The following IL1RAPL1 variants were observed in gnomAD, a reference collection of about 807,000 sequenced individuals.
The protein encoded by IL1RAPL1 is interleukin 1 receptor accessory protein like 1, also known as interleukin-1 receptor accessory protein-like 1.
Under a neutral mutation model 48.4 loss-of-function variants are expected in IL1RAPL1, and 3 were observed. That is an observed-to-expected ratio of 0.06 (90% CI 0.03 to 0.16). The LOEUF (loss-of-function observed/expected upper bound fraction) is 0.16, where lower values mean the gene tolerates loss of function less well. Ranked by LOEUF, IL1RAPL1 falls within the 10% of genes least tolerant of loss-of-function variation. IL1RAPL1 has a pLI of 1.00. For synonymous variants in IL1RAPL1, 185 were observed against 187.7 expected, an observed-to-expected ratio of 0.99 and a Z score of 0.12; for missense variants, 349 against 530.6, an observed-to-expected ratio of 0.66 and a Z score of 3.36.
chrX:29,350,941 C>T (rs369259117), intron 3 of IL1RAPL1, among the ~76,000 whole-genome samples: 5 of 111,126 alleles, frequency 4.5e-5, no homozygotes, highest in East Asian at 2.8e-4. Context: ...CACCTAAAGT[C>T]GCAGTTTCCA....
chrX:29,333,299 C>A (rs1705127432), intron 3 of IL1RAPL1, among the ~76,000 whole-genome samples: 2 of 109,010 alleles, frequency 1.8e-5, no homozygotes, highest in Admixed American at 1.9e-4. Context: ...CACCATCCTC[C>A]CGGACGGGGC....
At chrX:29,447,316 C>T (rs146638150) in intron 5 of IL1RAPL1, among the ~76,000 whole-genome samples, 2,072 of 108,464 alleles carry the variant, frequency 0.019, 29 homozygotes, top group Non-Finnish European at 0.029. Flanking sequence ...TAATTATATG[C>T]GCCTCATATT....
At chrX:29,525,157 G>A (rs1935540601) in intron 5 of IL1RAPL1, among the ~76,000 whole-genome samples, 1 of 111,922 alleles carries the variant, frequency 8.9e-6, no homozygotes, top group Admixed American at 9.5e-5. Flanking sequence ...TGCTTTCACA[G>A]GCCAGTTTAT....
chrX:29,525,701 G>A (rs772311119), intron 5 of IL1RAPL1, among the ~76,000 whole-genome samples: 6 of 111,999 alleles, frequency 5.4e-5, no homozygotes, highest in Admixed American at 3.8e-4. Flanking sequence ...TTGGTGATGT[G>A]GAATATTAAC....
intron 2 of IL1RAPL1, among the ~76,000 whole-genome samples, chrX:29,253,219 T>C (rs1247774079): frequency 1.8e-5 from 2 of 110,767 alleles, no homozygotes; most frequent in African/African-American, 6.5e-5. Flanking sequence ...ATATCCCTTA[T>C]AATGAAAATC....
chrX:29,750,901 A>G (rs1326423229), intron 6 of IL1RAPL1, among the ~76,000 whole-genome samples: 1 of 111,306 alleles, frequency 9.0e-6, no homozygotes, highest in African/African-American at 3.3e-5. Flanking sequence ...AGAAAAGCTG[A>G]TCCAGAGTAG....
chrX:29,885,590 C>A (rs1026140701), intron 6 of IL1RAPL1, among the ~76,000 whole-genome samples: 1 of 111,697 alleles, frequency 9.0e-6, no homozygotes, highest in Admixed American at 9.5e-5. Flanking sequence ...GCAGGAGAAT[C>A]TCTTGAGGCC....
intron 2 of IL1RAPL1, among the ~76,000 whole-genome samples, chrX:28,841,481 A>T (rs1303350169): frequency 9.0e-6 from 1 of 111,243 alleles, no homozygotes; most frequent in Non-Finnish European, 1.9e-5. Flanking sequence ...AACATTACAG[A>T]ACATTACTAA....
intron 1 of IL1RAPL1, among the ~76,000 whole-genome samples, chrX:28,638,238 G>A (rs1466175110): frequency 9.0e-6 from 1 of 111,501 alleles, no homozygotes; most frequent in Non-Finnish European, 1.9e-5. Flanking sequence ...GCCTAGTCCA[G>A]AATTAAGGAC....
intron 3 of IL1RAPL1, among the ~76,000 whole-genome samples, chrX:29,342,927 C>T (rs1353854811): frequency 1.8e-5 from 2 of 111,543 alleles, no homozygotes; most frequent in Non-Finnish European, 3.8e-5. Flanking sequence ...ATGTTAACAG[C>T]GAATGAAGCC....
intron 2 of IL1RAPL1, among the ~76,000 whole-genome samples, chrX:29,093,408 G>T (rs1486639580): frequency 9.0e-6 from 1 of 111,068 alleles, no homozygotes; most frequent in Non-Finnish European, 1.9e-5. Flanking sequence ...CACTAGAACA[G>T]CATCAAAGGG....
intron 2 of IL1RAPL1, among the ~76,000 whole-genome samples, chrX:29,258,214 A>G (rs1428576575): frequency 9.0e-6 from 1 of 111,634 alleles, no homozygotes; most frequent in African/African-American, 3.3e-5. Flanking sequence ...GTCGCTTTAA[A>G]AAAAAATGCA....
intron 3 of IL1RAPL1, among the ~76,000 whole-genome samples, chrX:29,385,152 T>C (rs1933758348): frequency 8.9e-6 from 1 of 111,970 alleles, no homozygotes; most frequent in Admixed American, 9.5e-5. Context: ...TTTTCCATCA[T>C]CCAAAATAGA....
chrX:29,441,246 T>C (rs1297755394), intron 5 of IL1RAPL1, among the ~76,000 whole-genome samples: 1 of 111,482 alleles, frequency 9.0e-6, no homozygotes, highest in Non-Finnish European at 1.9e-5. Context: ...TCCCCTTCCC[T>C]CTAAGTAACC....
chrX:29,538,196 TA>T (rs894571682), intron 5 of IL1RAPL1, among the ~76,000 whole-genome samples: 21 of 106,908 alleles, frequency 2.0e-4, no homozygotes, highest in South Asian at 8.1e-4. Context: ...AATAAACCAT[TA>T]AAAAAAAAGC....
At chrX:29,323,713 TTATATATATATATATATATATATATATA>T (rs1172683563) in intron 3 of IL1RAPL1, among the ~76,000 whole-genome samples, 11 of 10,951 alleles carry the variant, frequency 1.0e-3, no homozygotes, top group East Asian at 2.9e-3. Context: ...ACTGAATTTT[TTATATATATATATATATATATATATATA>T]TATATATATA....
intron 6 of IL1RAPL1, among the ~76,000 whole-genome samples, chrX:29,742,108 C>CA (rs1306348292): frequency 9.1e-6 from 1 of 110,372 alleles, no homozygotes; most frequent in Non-Finnish European, 1.9e-5. Context: ...TTTGTATACT[C>CA]ACGTCCTGGT....
At chrX:29,128,100 C>T (rs1411165728) in intron 2 of IL1RAPL1, among the ~76,000 whole-genome samples, 1 of 111,181 alleles carries the variant, frequency 9.0e-6, no homozygotes, top group Non-Finnish European at 1.9e-5. Flanking sequence ...CCACAAATTA[C>T]TTATTAGTTG....
At chrX:28,771,108 G>A (rs1454308442) in intron 1 of IL1RAPL1, among the ~76,000 whole-genome samples, 2 of 111,453 alleles carry the variant, frequency 1.8e-5, no homozygotes, top group African/African-American at 6.5e-5. Context: ...AACATAGCTG[G>A]GAGTCAAGCC....
Sources: gnomAD v4.1 joint callset for allele counts (sites outside exome capture counted in the v4.1 genomes callset) on GRCh38, gnomAD v4.1.1 for gene constraint, MANE v1.5 for transcripts, NCBI Gene and HGNC (gene_info 2026-07-23, HGNC 2026-07-21) for gene names.